Variants in IDO2 observed in about 807,000 individuals in gnomAD.
IDO2 encodes indoleamine 2,3-dioxygenase-like 1 protein.
Under a neutral mutation model 45.1 loss-of-function variants are expected in IDO2, and 46 were observed. The observed-to-expected ratio is 1.02, with a 90% confidence interval of 0.80 to 1.30. The LOEUF (loss-of-function observed/expected upper bound fraction) is 1.30. IDO2 is among the 50% of genes most tolerant of loss of function. IDO2 has a pLI of 0.00. For missense variants in IDO2, 544 were observed against 491.8 expected (o/e 1.11, Z -1.00); for synonymous variants, 218 against 184.9 (o/e 1.18, Z -1.45).
intron 9 of IDO2, among the ~76,000 whole-genome samples, chr8:40,012,051 GA>G (rs1802317943): frequency 6.6e-6 from 1 of 152,178 alleles, no homozygotes; most frequent in African/African-American, 2.4e-5. Context: ...CGTCCCCAGT[GA>G]AAACAACCTG....
intron 3 of IDO2, among the ~76,000 whole-genome samples, chr8:39,977,957 C>T (rs1474108952): frequency 6.6e-6 from 1 of 152,118 alleles, no homozygotes; most frequent in African/African-American, 2.4e-5. Flanking sequence ...ACAAACAATC[C>T]AATTACACTT....
intron 9 of IDO2, among the ~76,000 whole-genome samples, chr8:40,011,158 G>A (rs1802304941): frequency 6.6e-6 from 1 of 152,102 alleles, no homozygotes; most frequent in Admixed American, 6.5e-5. Flanking sequence ...CGATCTCCCC[G>A]CCTGGGCCTC....
exon 11 of IDO2, chr8:40,015,595 G>A (rs747887808): frequency 8.7e-6 from 14 of 1,607,956 alleles, no homozygotes; most frequent in African/African-American, 6.7e-5. Context: ...CTTCACCCAC[G>A]TGGTTAGGAG....
chr8:39,962,474 C>T (rs1434727504), intron 2 of IDO2, among the ~76,000 whole-genome samples: 1 of 152,196 alleles, frequency 6.6e-6, no homozygotes, highest in Admixed American at 6.5e-5. Context: ...ACACACAGCA[C>T]ATTTCATGTA....
chr8:39,953,699 A>G (rs1288718180), intron 2 of IDO2, among the ~76,000 whole-genome samples: 1 of 152,070 alleles, frequency 6.6e-6, no homozygotes, highest in East Asian at 1.9e-4. Flanking sequence ...AGTAGCTGGG[A>G]TTACAGGAGC....
intron 2 of IDO2, among the ~76,000 whole-genome samples, chr8:39,955,634 C>T (rs1807881179): frequency 6.6e-6 from 1 of 151,984 alleles, no homozygotes; most frequent in African/African-American, 2.4e-5. Context: ...TGATCCATAG[C>T]TCTGAAGCTT....
In IDO2 at chr8:39,948,094, G is replaced by A. The variant is rs762768444; in HGVS notation, c.-17-1055G>A. Among the ~76,000 whole-genome samples the A allele has an allele frequency of 1.8e-4, 28 of 152,210 alleles. 1 individual carries two copies. Among genetic ancestry groups the A allele is most frequent in the Non-Finnish European group, 1.2e-4 (8 of 68,030 alleles). ...CGTGAGCCACTGCGCCCAGCCTCGA[G>A]TGCTATTTCTTTACGGCACGGAAGA... On this transcript the variant is annotated intron_variant, in intron 1 of 10. Transcript: ENST00000502986.
intron 1 of IDO2, among the ~76,000 whole-genome samples, chr8:39,939,401 G>T (rs1807608466): frequency 6.6e-6 from 1 of 151,456 alleles, no homozygotes; most frequent in African/African-American, 2.4e-5. Flanking sequence ...ACAAAAATTA[G>T]CCAGGAGTAT....
At chr8:40,002,463 T>C (rs1802152825) in intron 8 of IDO2, among the ~76,000 whole-genome samples, 1 of 152,122 alleles carries the variant, frequency 6.6e-6, no homozygotes, top group Non-Finnish European at 1.5e-5. Context: ...GACCTTCATA[T>C]AGACTGTTAG....
At chr8:39,995,859 G>A (rs1253523887) in intron 8 of IDO2, among the ~76,000 whole-genome samples, 1 of 152,122 alleles carries the variant, frequency 6.6e-6, no homozygotes, top group Non-Finnish European at 1.5e-5. Flanking sequence ...GCCACTAGAG[G>A]GCTCCTTGGT....
intron 8 of IDO2, among the ~76,000 whole-genome samples, chr8:39,992,836 A>G (rs1422183359): frequency 6.6e-6 from 1 of 152,154 alleles, no homozygotes; most frequent in Non-Finnish European, 1.5e-5. Flanking sequence ...CTTTCCAGGC[A>G]CGTAGAGCCC....
chr8:39,948,291 A>G (rs191534244), intron 1 of IDO2, among the ~76,000 whole-genome samples: 100 of 152,346 alleles, frequency 6.6e-4, no homozygotes, highest in Non-Finnish European at 5.4e-4. Flanking sequence ...CAAACTACAT[A>G]CAACACCTTC....
intron 2 of IDO2, among the ~76,000 whole-genome samples, chr8:39,956,226 T>G (rs1807889231): frequency 6.6e-6 from 1 of 152,050 alleles, no homozygotes. Context: ...GCCTGGCTAA[T>G]TTTTGTATCC....
intron 3 of IDO2, among the ~76,000 whole-genome samples, chr8:39,969,744 G>A (rs895491300): frequency 2.0e-5 from 3 of 152,088 alleles, no homozygotes; most frequent in African/African-American, 4.8e-5. Flanking sequence ...GCATGGTGGT[G>A]CACACCTGTA....
At chr8:39,982,922 C>A (rs1020931292) in intron 5 of IDO2, among the ~76,000 whole-genome samples, 152 bp downstream of exon 5, 2 of 152,056 alleles carry the variant, frequency 1.3e-5, no homozygotes, top group Admixed American at 6.6e-5. Context: ...TATCACAGGC[C>A]CCAGAAGTTT....
rs78506470 is a variant in IDO2 at position 39,949,315 on chromosome 8, T to C, written c.99+51T>C. On this transcript the variant is annotated intron_variant, in intron 2 of 10. Transcript: ENST00000502986. ...AGGTCAGAATATGTTTCTTGAGATGTTGGTTGGTTTGTTTTTTAAAAATGT... is the reference window on the plus strand; with the variant it reads ...AGGTCAGAATATGTTTCTTGAGATGCTGGTTGGTTTGTTTTTTAAAAATGT... The C allele has an allele frequency of 1.3e-5, 18 of 1,406,476 alleles. No individual in the cohort carries two copies. In the African/African-American group the frequency reaches 1.9e-4, roughly 15 times the overall value. 87.1% of individuals were successfully genotyped at this position (1,406,476 alleles called of 1,614,324 possible). A position where few individuals can be genotyped will look rare whatever the true frequency, so the allele number is the denominator to read the frequency against.
chr8:39,960,734 T>C (rs1164691297), intron 2 of IDO2, among the ~76,000 whole-genome samples: 1 of 152,230 alleles, frequency 6.6e-6, no homozygotes, highest in Non-Finnish European at 1.5e-5. Context: ...CGGTTGACCT[T>C]CTGATGATTC....
chr8:39,966,696 T>A (rs964654472), intron 3 of IDO2, among the ~76,000 whole-genome samples: 4 of 152,206 alleles, frequency 2.6e-5, no homozygotes, highest in African/African-American at 9.7e-5. Context: ...TTCACTCACA[T>A]TTCCTAGGAA....
chr8:39,961,654 T>C (rs1189516390), intron 2 of IDO2, among the ~76,000 whole-genome samples: 1 of 152,178 alleles, frequency 6.6e-6, no homozygotes, highest in Non-Finnish European at 1.5e-5. Flanking sequence ...ACTTTTCTCC[T>C]GAACTTTAAA....
Sources: allele counts gnomAD v4.1 joint callset (sites outside exome capture counted in the v4.1 genomes callset), GRCh38; gene constraint gnomAD v4.1.1; transcripts MANE v1.5; gene names NCBI Gene and HGNC (gene_info 2026-07-23, HGNC 2026-07-21).